Variants in RORA observed in about 807,000 individuals in gnomAD.
RORA encodes nuclear receptor ROR-alpha.
A neutral mutation model predicts 69.5 loss-of-function variants in RORA; 7 were observed. The observed-to-expected ratio is 0.10, with a 90% CI of 0.06 to 0.19. RORA has a LOEUF of 0.19. Ranked by LOEUF, RORA falls within the 10% of genes least tolerant of loss-of-function variation. The pLI, the probability that RORA is intolerant of heterozygous loss-of-function variation, is 1.00. For missense variants in RORA, 457 were observed against 663.0 expected (o/e 0.69, Z 3.41); for synonymous variants, 261 against 240.8 (o/e 1.08, Z -0.78).
At chr15:60,933,520 C>T (rs1892433113) in intron 1 of RORA, among the ~76,000 whole-genome samples, 1 of 152,166 alleles carries the variant, frequency 6.6e-6, no homozygotes, top group Non-Finnish European at 1.5e-5. Context: ...TCTCACATCA[C>T]AGTTTGTTGG....
intron 1 of RORA, among the ~76,000 whole-genome samples, chr15:61,040,672 C>T (rs1053772460): frequency 1.3e-5 from 2 of 152,060 alleles, no homozygotes; most frequent in African/African-American, 4.8e-5. Flanking sequence ...CTGAACGTGT[C>T]ACAGTACCTG....
intron 2 of RORA, among the ~76,000 whole-genome samples, chr15:60,645,874 C>T (rs577935126): frequency 1.3e-4 from 20 of 151,250 alleles, no homozygotes; most frequent in Admixed American, 1.3e-3. Flanking sequence ...TATACATATA[C>T]GTGCCATATA....
At chr15:61,169,643 G>GA (rs59638048) in intron 1 of RORA, among the ~76,000 whole-genome samples, 2,667 of 86,206 alleles carry the variant, frequency 0.031, 42 homozygotes, top group African/African-American at 0.071. Context: ...CCATTTTCAT[G>GA]AAAAAAAAAA....
chr15:61,003,537 G>C (rs891990067), intron 1 of RORA, among the ~76,000 whole-genome samples: 5 of 152,270 alleles, frequency 3.3e-5, no homozygotes, highest in Middle Eastern at 3.4e-3. Context: ...GCCAACTTTT[G>C]AAATTCAAAG....
chr15:60,629,129 A>T (rs570162209), intron 2 of RORA, among the ~76,000 whole-genome samples: 1 of 151,340 alleles, frequency 6.6e-6, no homozygotes, highest in South Asian at 2.1e-4. Context: ...TCTGTCTCAC[A>T]GCACTCCGAT....
rs2072538816 is a variant in RORA at position 60,798,922 on chromosome 15, GC to G, written c.167-120237del. Among the ~76,000 whole-genome samples, 3 of 147,572 alleles carry G rather than the reference GC, an allele frequency of 2.0e-5. No homozygotes were observed. In the South Asian group the frequency reaches 6.6e-4, roughly 33 times the overall value. On this transcript the variant is annotated intron_variant, in intron 1 of 10. Coordinates refer to ENST00000335670, the MANE Select transcript of RORA (RefSeq NM_134261.3). ...GAGCTAACAAAGGCATCTAGTTATT[GC>G]TCAATAAAGGACTTTTTTTTTTTTT...
At chr15:60,837,685 T>C (rs548722194) in intron 1 of RORA, among the ~76,000 whole-genome samples, 3 of 152,202 alleles carry the variant, frequency 2.0e-5, no homozygotes, top group African/African-American at 7.2e-5. Flanking sequence ...TGTGCACCAT[T>C]TCCCCCGCTA....
intron 1 of RORA, among the ~76,000 whole-genome samples, chr15:60,794,461 T>G (rs2072463042): frequency 6.6e-6 from 1 of 152,198 alleles, no homozygotes; most frequent in Admixed American, 6.5e-5. Flanking sequence ...AGAGAACCAT[T>G]ACACCTGTGT....
chr15:60,836,582 G>T (rs8023252), intron 1 of RORA, among the ~76,000 whole-genome samples: 70,805 of 151,886 alleles, frequency 0.47, 17,985 homozygotes, highest in Non-Finnish European at 0.58. Flanking sequence ...CTCCCTCTCC[G>T]ATGGCTCCCT....
At chr15:60,628,825 C>G (rs918699513) in intron 2 of RORA, among the ~76,000 whole-genome samples, 2 of 152,078 alleles carry the variant, frequency 1.3e-5, no homozygotes, top group African/African-American at 4.8e-5. Flanking sequence ...GTAAGGAGAA[C>G]CCAGAGAATG....
At chr15:60,786,432 C>A (rs1458388937) in intron 1 of RORA, among the ~76,000 whole-genome samples, 1 of 152,240 alleles carries the variant, frequency 6.6e-6, no homozygotes, top group Non-Finnish European at 1.5e-5. Context: ...GCTAGAGAAA[C>A]ACGATGGAAG....
At chr15:60,765,034 G>T (rs2279294) in intron 1 of RORA, 1 of 151,746 alleles carries the variant, frequency 6.6e-6, no homozygotes, top group South Asian at 2.1e-4. Flanking sequence ...CTATTGAATC[G>T]GGAAGTTGGT....
chr15:60,862,643 A>G (rs1324627721), intron 1 of RORA, among the ~76,000 whole-genome samples: 1 of 152,210 alleles, frequency 6.6e-6, no homozygotes, highest in East Asian at 1.9e-4. Flanking sequence ...TTTGGGTAAA[A>G]AAGAAAAAGA....
chr15:60,611,559 CAAAAAAAAAAAA>C (rs533598270), intron 2 of RORA, among the ~76,000 whole-genome samples: 23 of 35,826 alleles, frequency 6.4e-4, no homozygotes, highest in South Asian at 2.0e-3. Context: ...TTGAGTTTTG[CAAAAAAAAAAAA>C]AAAAAAAAAA....
At position 61,147,236 on chromosome 15, in the gene RORA, C is replaced by A. The variant is rs538705548; in HGVS notation, c.166+81817G>T. On this transcript the variant is annotated intron_variant, in intron 1 of 10. Coordinates refer to ENST00000335670, the MANE Select transcript of RORA (RefSeq NM_134261.3). The surrounding 1 kb of genome is among the most constrained non-coding windows in gnomAD (Gnocchi z 4.1). Reference sequence around the variant, plus strand: ...CAGCACCGTGGTCGTTTCCACCACCCAAGAGAACCGTAAAGGTGGAAAGGG... The same window carrying A: ...CAGCACCGTGGTCGTTTCCACCACCAAAGAGAACCGTAAAGGTGGAAAGGG... Among the ~76,000 whole-genome samples the A allele has an allele frequency of 6.6e-6, 1 of 152,116 alleles. No individual in the cohort carries two copies. Among genetic ancestry groups the A allele is most frequent in the Non-Finnish European group, 1.5e-5 (1 of 68,020 alleles).
intron 1 of RORA, among the ~76,000 whole-genome samples, chr15:61,214,740 A>C (rs560930058): frequency 4.3e-4 from 65 of 152,258 alleles, no homozygotes; most frequent in South Asian, 1.0e-3. Flanking sequence ...CTCCCTGCCC[A>C]TACCACCCTA....
At chr15:61,174,259 CCCACA>C (rs1596046525) in intron 1 of RORA, among the ~76,000 whole-genome samples, 1 of 152,194 alleles carries the variant, frequency 6.6e-6, no homozygotes, top group East Asian at 1.9e-4. Context: ...CCCCCCTGCC[CCCACA>C]CCACCCAGCT....
chr15:61,123,882 A>G (rs1482698539), intron 1 of RORA, among the ~76,000 whole-genome samples: 1 of 152,232 alleles, frequency 6.6e-6, no homozygotes, highest in Admixed American at 6.5e-5. Flanking sequence ...GGGGCCAACC[A>G]TTCCAGGTAC....
intron 2 of RORA, among the ~76,000 whole-genome samples, chr15:60,548,781 G>T (rs2067147057): frequency 6.6e-6 from 1 of 152,104 alleles, no homozygotes; most frequent in South Asian, 2.1e-4. Context: ...GGGACTACAG[G>T]CGCCCACCAC....
Sources: gnomAD v4.1 joint callset for allele counts (sites outside exome capture counted in the v4.1 genomes callset) on GRCh38, gnomAD v4.1.1 for gene constraint, Gnocchi (gnomAD v3.1) non-coding constraint, MANE v1.5 for transcripts, NCBI Gene and HGNC (gene_info 2026-07-23, HGNC 2026-07-21) for gene names.